Variants in AFAP1 observed in about 807,000 individuals in gnomAD.
The protein encoded by AFAP1 is actin filament-associated protein 1.
A neutral mutation model predicts 93.9 loss-of-function variants in AFAP1; 75 were observed. The ratio of observed to expected loss-of-function variants is 0.80; its 90% CI spans 0.66 to 0.97. The LOEUF is 0.97. AFAP1 is among the 50% of genes least tolerant of loss of function. The pLI is 0.00. For synonymous variants in AFAP1, 517 were observed against 430.7 expected, an observed-to-expected ratio of 1.20 and a Z score of -2.48; for missense variants, 1,201 against 1,050.8, an observed-to-expected ratio of 1.14 and a Z score of -1.98.
chr4:7,800,423 C>T lies in AFAP1; in HGVS notation c.1266+19G>A. 3 of 1,612,798 alleles carry T rather than the reference C, an allele frequency of 1.9e-6. No homozygotes were observed. The highest frequency in any genetic ancestry group is 2.5e-6 in the Non-Finnish European group (3 of 1,179,194). ...GCGTGTGTCCCTCTGTGGAGTACAGCCCCTGGGAAATATCCTACCTCCAAT... is the reference window on the plus strand; with the variant it reads ...GCGTGTGTCCCTCTGTGGAGTACAGTCCCTGGGAAATATCCTACCTCCAAT... On this transcript the variant is annotated intron_variant, in intron 10 of 17. Transcript: ENST00000420658.
chr4:7,842,073 G>A (rs1713082103), intron 5 of AFAP1, among the ~76,000 whole-genome samples: 1 of 151,940 alleles, frequency 6.6e-6, no homozygotes, highest in Non-Finnish European at 1.5e-5. Context: ...CATTATATCA[G>A]ACTGGAAATA....
At chr4:7,825,699 A>T (rs1465847179) in intron 6 of AFAP1, among the ~76,000 whole-genome samples, 1 of 152,218 alleles carries the variant, frequency 6.6e-6, no homozygotes, top group East Asian at 1.9e-4. Context: ...ACAGCAAATT[A>T]AGCTAAAAAA....
In AFAP1 at chr4:7,855,376, T is replaced by C. The variant is rs1247089692; in HGVS notation, c.334+90A>G. On this transcript the variant is annotated intron_variant, in intron 4 of 17. Coordinates refer to ENST00000420658, the MANE Select transcript of AFAP1 (RefSeq NM_001134647.2). ...TGGCCCACAGTGTTTTATAATACCC[T>C]GTTGCCCTTCCTACCCAGAAAGGGG... 2.9e-5 allele frequency: 29 copies of C among 1,009,128 alleles called. 2 individuals are homozygous for C. In the South Asian group the frequency reaches 4.6e-4, roughly 16 times the overall value. 62.5% of individuals were successfully genotyped at this position (1,009,128 alleles called of 1,614,324 possible). A position where few individuals can be genotyped will look rare whatever the true frequency, so the allele number is the denominator to read the frequency against.
chr4:7,928,450 C>T (rs1165551066), intron 1 of AFAP1, among the ~76,000 whole-genome samples: 2 of 152,148 alleles, frequency 1.3e-5, no homozygotes, highest in Admixed American at 6.5e-5. Context: ...TGCAGTGACG[C>T]CATCTCGGCT....
intron 5 of AFAP1, chr4:7,842,784 A>G (rs920263738): frequency 5.2e-6 from 1 of 192,392 alleles, no homozygotes; most frequent in African/African-American, 2.3e-5. Flanking sequence ...GGCTTTGAGG[A>G]ATCCACTGAC....
At chr4:7,774,171 G>C (rs1020277362) in intron 15 of AFAP1, 9 of 152,844 alleles carry the variant, frequency 5.9e-5, no homozygotes, top group Non-Finnish European at 8.8e-5. Flanking sequence ...CTGCCACTCT[G>C]GCTGCAAACT....
In AFAP1 at chr4:7,759,387, G is replaced by A. The variant is rs2285771; in HGVS notation, c.*4378C>T. ...ATGCGTCTGACGCCCACCACTTCCT[G>A]GGTGCAGTTTCCCTTCTTTTACAGA... On this transcript the variant is annotated 3_prime_UTR_variant, in exon 18 of 18. Transcript: ENST00000420658. The A allele has an allele frequency of 0.17, 25,345 of 152,590 alleles. 2,917 individuals carry two copies. The highest frequency in any genetic ancestry group is 0.49 in the East Asian group (2,509 of 5,164). The allele number at this position is 152,590 out of a possible 1,614,324, so 9.5% of individuals were successfully genotyped here. A position where few individuals can be genotyped will look rare whatever the true frequency, so the allele number is the denominator to read the frequency against.
chr4:7,788,931 T>A (rs1022696845), intron 11 of AFAP1: 1 of 152,252 alleles, frequency 6.6e-6, no homozygotes, highest in African/African-American at 2.4e-5. Flanking sequence ...AAGGATGGGG[T>A]CAGAACAGAG....
chr4:7,886,007 A>G (rs533109720), intron 1 of AFAP1, among the ~76,000 whole-genome samples: 3 of 152,280 alleles, frequency 2.0e-5, no homozygotes, highest in African/African-American at 7.2e-5. Context: ...TCTTCCAATT[A>G]TTTCCACAGG....
Position 7,778,857 on chromosome 4 carries a change from G to A in AFAP1, c.1802C>T (p.Pro601Leu). ...LNSQLKGKKP[P>L]VASNGVTGKG... ...TCCTGTGACCCCATTAGACGCCACG[G>A]GGGGCTTTTTACCCTTGAGCTGTTG... The change falls in exon 14 of 18, where the codon CCC (proline) becomes CTC (leucine). Residue 601 changes from proline (P) to leucine (L), a missense_variant. Coordinates refer to ENST00000420658, the MANE Select transcript of AFAP1 (RefSeq NM_001134647.2). The A allele has an allele frequency of 6.2e-7, 1 of 1,613,644 alleles. No homozygotes were observed.
At chr4:7,767,743 A>G (rs374555809) in intron 17 of AFAP1, among the ~76,000 whole-genome samples, 1 of 152,108 alleles carries the variant, frequency 6.6e-6, no homozygotes, top group East Asian at 1.9e-4. Context: ...ATCTCGCAGG[A>G]AACACCTATC....
intron 1 of AFAP1, among the ~76,000 whole-genome samples, chr4:7,932,062 C>T (rs1721098010): frequency 6.6e-6 from 1 of 151,768 alleles, no homozygotes; most frequent in Admixed American, 6.6e-5. Flanking sequence ...GGGGTTTCAC[C>T]ATAACCAGGA....
intron 15 of AFAP1, chr4:7,773,331 A>C (rs2148963618): frequency 3.4e-6 from 1 of 292,498 alleles, no homozygotes; most frequent in Non-Finnish European, 6.4e-6. Context: ...CAGTTCCCAA[A>C]GCTGCCACCT....
At chr4:7,920,464 C>T (rs560611118) in intron 1 of AFAP1, among the ~76,000 whole-genome samples, 1 of 152,184 alleles carries the variant, frequency 6.6e-6, no homozygotes, top group East Asian at 1.9e-4. Context: ...TCTCTGGTGA[C>T]GACAAAAACT....
rs188294323 is a variant in AFAP1 at position 7,843,370 on chromosome 4, A to G, written c.335-20T>C. 130 of 1,593,454 alleles carry G rather than the reference A, an allele frequency of 8.2e-5. 2 individuals are homozygous for G. In the African/African-American group the frequency reaches 1.6e-3, roughly 20 times the overall value. On this transcript the variant is annotated intron_variant, in intron 4 of 17. Transcript: ENST00000420658. Reference sequence around the variant, plus strand: ...CATAATCTGTAAAAAATAAACATACACTGGTAAAAAGGACTTCTTTACCTT... The same window carrying G: ...CATAATCTGTAAAAAATAAACATACGCTGGTAAAAAGGACTTCTTTACCTT...
intron 1 of AFAP1, among the ~76,000 whole-genome samples, chr4:7,883,435 A>G (rs1335280186): frequency 6.6e-6 from 1 of 152,206 alleles, no homozygotes; most frequent in Non-Finnish European, 1.5e-5. Flanking sequence ...ACAGCATCTT[A>G]TTTAATGAGG....
chr4:7,816,102 G>C lies in AFAP1; in HGVS notation c.823-3C>G, dbSNP rs1014045492. The stretch of plus-strand genomic sequence containing the variant: ...CTGGGTCTCTCTGAAGACAGTTTCT[G>C]TAAGGAGAAAAAGATTAAGTTATTC... On this transcript the variant is annotated splice_polypyrimidine_tract_variant and splice_region_variant and intron_variant, in intron 7 of 17. Transcript: ENST00000420658. 1.2e-6 allele frequency: 2 copies of C among 1,608,774 alleles called. No individual in the cohort carries two copies. Among genetic ancestry groups the C allele is most frequent in the Non-Finnish European group, 1.7e-6 (2 of 1,177,806 alleles).
At chr4:7,824,527 G>C (rs550516974) in intron 6 of AFAP1, among the ~76,000 whole-genome samples, 47 of 152,268 alleles carry the variant, frequency 3.1e-4, no homozygotes, top group African/African-American at 1.1e-3. Context: ...AGTAATTCTT[G>C]CACGAGTATG....
chr4:7,898,082 C>T (rs1376321787), intron 1 of AFAP1, among the ~76,000 whole-genome samples: 1 of 152,166 alleles, frequency 6.6e-6, no homozygotes, highest in African/African-American at 2.4e-5. Context: ...CCAACCAGGT[C>T]CAGCCTTCAT....
Sources: allele counts gnomAD v4.1 joint callset (sites outside exome capture counted in the v4.1 genomes callset), GRCh38; gene constraint gnomAD v4.1.1; transcripts MANE v1.5; gene names NCBI Gene and HGNC (gene_info 2026-07-23, HGNC 2026-07-21).